The following SLC24A1 variants were observed in gnomAD, a reference collection of about 807,000 sequenced individuals.
SLC24A1 encodes solute carrier family 24 member 1.
SLC24A1 carries 52 observed loss-of-function variants against 88.1 expected under a neutral mutation model. That is an observed-to-expected ratio of 0.59 (90% CI 0.47 to 0.74). SLC24A1 has a LOEUF of 0.74. Ranked by LOEUF, SLC24A1 falls within the 30% of genes least tolerant of loss-of-function variation. SLC24A1 has a pLI of 0.00. For synonymous variants in SLC24A1, 455 were observed against 498.0 expected (o/e 0.91, Z 1.15); for missense variants, 1,173 against 1,363.3 (o/e 0.86, Z 2.20).
chr15:65,643,951 T>G (rs1447995167), intron 4 of SLC24A1: 1 of 165,334 alleles, frequency 6.0e-6, no homozygotes, highest in Non-Finnish European at 1.3e-5. Flanking sequence ...AAAGATAATA[T>G]AGTCCAAGGA....
chr15:65,644,083 AG>A, intron 4 of SLC24A1: 1 of 279,572 alleles, frequency 3.6e-6, no homozygotes, highest in Non-Finnish European at 7.0e-6. Context: ...GTACCCAAGC[AG>A]GCCATCACTT....
At chr15:65,646,515 C>A (rs1041558565) in intron 6 of SLC24A1, among the ~76,000 whole-genome samples, 4 of 134,672 alleles carry the variant, frequency 3.0e-5, no homozygotes, top group African/African-American at 5.4e-5. Flanking sequence ...GTATAAACAC[C>A]TTTGTCATGT....
intron 6 of SLC24A1, among the ~76,000 whole-genome samples, chr15:65,648,823 G>A (rs2075399082): frequency 6.6e-6 from 1 of 151,436 alleles, no homozygotes; most frequent in Non-Finnish European, 1.5e-5. Context: ...TTTTACAGGG[G>A]TATGGGGTCT....
At chr15:65,660,362 ATTC>A, downstream of SLC24A1, 1 of 1,477,746 alleles carries the variant, frequency 6.8e-7, no homozygotes. Flanking sequence ...AGCTGAACTG[ATTC>A]TAAGTCTCAG....
chr15:65,640,956 G>A (rs1281658647), intron 4 of SLC24A1, among the ~76,000 whole-genome samples: 1 of 152,214 alleles, frequency 6.6e-6, no homozygotes, highest in African/African-American at 2.4e-5. Context: ...AGCTACTTGG[G>A]AGGCTGAGAC....
chr15:65,644,654 G>A, intron 5 of SLC24A1, 141 bp downstream of exon 5: 1 of 635,598 alleles, frequency 1.6e-6, no homozygotes, highest in Non-Finnish European at 2.8e-6. Context: ...CAGTTAGAGT[G>A]ATGGTAGGGT....
intron 2 of SLC24A1, among the ~76,000 whole-genome samples, chr15:65,629,227 G>A (rs947338304): frequency 6.6e-6 from 1 of 152,218 alleles, no homozygotes; most frequent in Non-Finnish European, 1.5e-5. Flanking sequence ...CTGAGCTGGA[G>A]CATCTTTCAC....
chr15:65,648,416 A>C (rs2075381731), intron 6 of SLC24A1, among the ~76,000 whole-genome samples: 1 of 152,208 alleles, frequency 6.6e-6, no homozygotes, highest in African/African-American at 2.4e-5. Flanking sequence ...GGGATGGACC[A>C]GCATATTGCT....
At position 65,639,681 on chromosome 15, in the gene SLC24A1, C is replaced by T. The variant is rs780088568; in HGVS notation, c.2031C>T (p.His677=). ...IRSTIYQLML[H]SLDPLREVRL... Reference sequence around the variant, plus strand: ...GCACCATCTACCAGCTCATGCTCCACAGCCTGGACCCCCTGAGGGAAGGTA... The same window carrying T: ...GCACCATCTACCAGCTCATGCTCCATAGCCTGGACCCCCTGAGGGAAGGTA... The change falls in exon 4 of 10, where the codon CAC becomes CAT. Residue 677 remains histidine (H), a synonymous_variant. Transcript: ENST00000261892. The T allele has an allele frequency of 1.2e-6, 2 of 1,612,012 alleles. No individual in the cohort carries two copies. The highest frequency in any genetic ancestry group is 1.1e-5 in the South Asian group (1 of 90,502).
At chr15:65,652,385 A>T in intron 8 of SLC24A1, 1 of 393,220 alleles carries the variant, frequency 2.5e-6, no homozygotes, top group Non-Finnish European at 4.6e-6. Flanking sequence ...TGAGCAGCAG[A>T]TCTGGTGTAG....
At chr15:65,652,565 T>C (rs529669196) in intron 8 of SLC24A1, 77 bp from the exon 9 acceptor site, 20 of 1,395,238 alleles carry the variant, frequency 1.4e-5, no homozygotes, top group East Asian at 2.4e-5. Flanking sequence ...GCAGTCTGTT[T>C]GCACAAAGTA....
At chr15:65,643,039 T>C in intron 4 of SLC24A1, 1 of 1,288,924 alleles carries the variant, frequency 7.8e-7, no homozygotes, top group African/African-American at 1.5e-5. Context: ...CTCTTGTCAA[T>C]TTGTTTTCAT....
rs761148442 is a variant in SLC24A1, at chr15:65,625,722, C to T, written c.1642C>T (p.Arg548Ter). The T allele has an allele frequency of 1.1e-5, 18 of 1,613,916 alleles. No homozygotes were observed. The highest frequency in any genetic ancestry group is 2.2e-5 in the East Asian group (1 of 44,896). Residue 548 changes from arginine (R) to a stop codon, truncating the protein, a stop_gained, in exon 2 of 10, where the codon CGA (arginine) becomes TGA (stop). Transcript: ENST00000261892. LOFTEE classifies it high-confidence loss of function. ...CATTGGCACTTGTTCCCTCTTCTCC[C>T]GAGAGATCCTCAACCTCACCTGGTG... ...FVIGTCSLFS[R>*]EILNLTWWPL...
At chr15:65,636,758 C>A (rs2074948976) in intron 2 of SLC24A1, among the ~76,000 whole-genome samples, 3 of 151,890 alleles carry the variant, frequency 2.0e-5, no homozygotes. Context: ...CACCTGTAAT[C>A]CCAGCTACTT....
At chr15:65,615,495 C>T (rs749189992) in intron 2 of SLC24A1, among the ~76,000 whole-genome samples, 49 of 152,094 alleles carry the variant, frequency 3.2e-4, no homozygotes, top group Non-Finnish European at 6.2e-4. Context: ...CAAGCCTGAC[C>T]AACATAGTGT....
intron 3 of SLC24A1, 90 bp downstream of exon 3, chr15:65,638,271 G>A: frequency 2.1e-6 from 2 of 940,098 alleles, no homozygotes; most frequent in South Asian, 2.8e-5. Context: ...CTGTGCTGGG[G>A]ACCCTGGCTG....
chr15:65,632,714 A>T (rs1020235671), intron 2 of SLC24A1, among the ~76,000 whole-genome samples: 1 of 152,220 alleles, frequency 6.6e-6, no homozygotes, highest in African/African-American at 2.4e-5. Flanking sequence ...GCATATGGTG[A>T]TAAATAAAGC....
intron 1 of SLC24A1, among the ~76,000 whole-genome samples, chr15:65,623,377 C>A (rs1352513679): frequency 6.6e-6 from 1 of 152,164 alleles, no homozygotes; most frequent in Non-Finnish European, 1.5e-5. Context: ...TCCCCATGAT[C>A]CTCCCACCAT....
At chr15:65,620,891 C>G (rs1268061864), upstream of SLC24A1, among the ~76,000 whole-genome samples, 1 of 152,146 alleles carries the variant, frequency 6.6e-6, no homozygotes, top group East Asian at 1.9e-4. Context: ...AGATTTTGTT[C>G]TGCCCACAGC....
Sources: allele counts gnomAD v4.1 joint callset (sites outside exome capture counted in the v4.1 genomes callset), GRCh38; gene constraint gnomAD v4.1.1; transcripts MANE v1.5; gene names NCBI Gene and HGNC (gene_info 2026-07-23, HGNC 2026-07-21).